The following ZNF717 variants were observed in gnomAD, a reference collection of about 807,000 sequenced individuals.
The protein encoded by ZNF717 is krueppel-like factor X17.
Under a neutral mutation model 13.8 loss-of-function variants are expected in ZNF717, and 9 were observed. The observed-to-expected ratio is 0.65, with a 90% CI of 0.39 to 1.14. ZNF717 has a LOEUF of 1.14. Ranked by LOEUF, ZNF717 falls within the 50% of genes most tolerant of loss-of-function variation. The pLI, the probability that ZNF717 is intolerant of heterozygous loss-of-function variation, is 0.01. For synonymous variants in ZNF717, 327 were observed against 364.1 expected (o/e 0.90, Z 1.16); for missense variants, 1,040 against 1,080.7 (o/e 0.96, Z 0.53).
intron 2 of ZNF717, among the ~76,000 whole-genome samples, chr3:75,782,470 G>A (rs2107757936): frequency 6.6e-6 from 1 of 152,356 alleles, no homozygotes; most frequent in Non-Finnish European, 1.5e-5. Context: ...TGGAAGCTGT[G>A]CTTTGGCAGC....
intron 2 of ZNF717, among the ~76,000 whole-genome samples, chr3:75,748,626 A>G (rs3009088): frequency 0.83 from 126,964 of 152,122 alleles, 52,976 homozygotes; most frequent in East Asian, 0.89. Flanking sequence ...AAAGGCCTTC[A>G]ACAAAATTCA....
At position 75,755,795 on chromosome 3, in the gene ZNF717, G is replaced by C. The variant is rs117450785; in HGVS notation, c.58-14059C>G. Among the ~76,000 whole-genome samples the C allele has an allele frequency of 2.7e-3, 415 of 152,344 alleles. 8 individuals are homozygous for C. The East Asian group carries it at 0.07, about 26-fold the overall frequency. On this transcript the variant is annotated intron_variant, in intron 2 of 4. Transcript: ENST00000652011. ...TAAAATCATCAATGAAAACTGCAAA[G>C]GGCAGAAAAAGAGTGGTAGACAAGA... is the stretch of plus-strand genomic sequence containing the variant.
downstream of ZNF717, among the ~76,000 whole-genome samples, chr3:75,729,638 G>GCTT (rs1938401961): frequency 7.9e-6 from 1 of 126,016 alleles, no homozygotes; most frequent in Non-Finnish European, 1.7e-5. Flanking sequence ...AAAAAAAAAA[G>GCTT]GATAAGCTAT....
intron 6 of ZNF717, among the ~76,000 whole-genome samples, chr3:75,699,699 T>C (rs1937647506): frequency 6.6e-6 from 1 of 152,306 alleles, no homozygotes; most frequent in Admixed American, 6.5e-5. Context: ...AAACCTATTT[T>C]CTTTATAAAT....
At chr3:75,745,023 G>T (rs1327856439) in intron 2 of ZNF717, among the ~76,000 whole-genome samples, 1 of 152,050 alleles carries the variant, frequency 6.6e-6, no homozygotes, top group Non-Finnish European at 1.5e-5. Context: ...CGGGGTCTGT[G>T]TGTTTGTCCC....
chr3:75,770,822 G>C (rs1033622164), intron 2 of ZNF717, among the ~76,000 whole-genome samples: 2 of 152,148 alleles, frequency 1.3e-5, no homozygotes, highest in Non-Finnish European at 2.9e-5. Flanking sequence ...AGACTAAAGA[G>C]GTCTAAGCTG....
At chr3:75,704,326 C>A (rs1185234743) in intron 6 of ZNF717, among the ~76,000 whole-genome samples, 1 of 152,304 alleles carries the variant, frequency 6.6e-6, no homozygotes, top group East Asian at 1.9e-4. Context: ...TCAGGACCCT[C>A]TTTTCCAGCA....
chr3:75,773,126 T>G (rs138448855), intron 2 of ZNF717, among the ~76,000 whole-genome samples: 2,029 of 152,270 alleles, frequency 0.013, 18 homozygotes, highest in South Asian at 0.07. Flanking sequence ...GTTGTAAAAT[T>G]TGGCTTTTGA....
chr3:75,776,125 G>A (rs1448832546), intron 2 of ZNF717, among the ~76,000 whole-genome samples: 1 of 152,258 alleles, frequency 6.6e-6, no homozygotes, highest in Non-Finnish European at 1.5e-5. Context: ...TGTTAATTAA[G>A]CACGGACTTA....
chr3:75,725,648 C>G (rs1178543128), downstream of ZNF717, among the ~76,000 whole-genome samples: 1 of 152,178 alleles, frequency 6.6e-6, no homozygotes, highest in Non-Finnish European at 1.5e-5. Context: ...GGAGACCTCA[C>G]AATCATGGCA....
At chr3:75,701,497 C>T (rs1232870558) in intron 6 of ZNF717, among the ~76,000 whole-genome samples, 3 of 152,416 alleles carry the variant, frequency 2.0e-5, no homozygotes, top group East Asian at 1.9e-4. Flanking sequence ...GGTGAAACCC[C>T]GTCTCTACTA....
At chr3:75,733,689 G>A (rs1938798692), downstream of ZNF717, among the ~76,000 whole-genome samples, 1 of 143,208 alleles carries the variant, frequency 7.0e-6, no homozygotes, top group Non-Finnish European at 1.5e-5. Context: ...TGAGGCAGGA[G>A]AATGGTATGA....
At chr3:75,760,082 G>A (rs1284207491) in intron 2 of ZNF717, among the ~76,000 whole-genome samples, 4 of 152,168 alleles carry the variant, frequency 2.6e-5, no homozygotes, top group Non-Finnish European at 5.9e-5. Context: ...AGGCTGGAGT[G>A]CAGTGGTGCA....
At chr3:75,761,682 A>G (rs1193868437) in intron 2 of ZNF717, among the ~76,000 whole-genome samples, 1 of 152,294 alleles carries the variant, frequency 6.6e-6, no homozygotes, top group Non-Finnish European at 1.5e-5. Flanking sequence ...TTCAGGATAC[A>G]GTAACACACA....
intron 2 of ZNF717, among the ~76,000 whole-genome samples, chr3:75,779,760 A>G (rs1260961627): frequency 7.0e-6 from 1 of 143,882 alleles, no homozygotes; most frequent in African/African-American, 2.6e-5. Flanking sequence ...GCTAAACCAG[A>G]AACCCAAAAC....
chr3:75,742,321 C>CA (rs369657631), intron 2 of ZNF717, among the ~76,000 whole-genome samples: 126 of 56,478 alleles, frequency 2.2e-3, no homozygotes, highest in South Asian at 0.015. Context: ...GCCTACCTCT[C>CA]AAAAAAAAAA....
At chr3:75,704,767 G>C (rs1230804634), downstream of ZNF717, among the ~76,000 whole-genome samples, 2 of 152,282 alleles carry the variant, frequency 1.3e-5, no homozygotes, top group Non-Finnish European at 2.9e-5. Context: ...CCAGGAAAGA[G>C]GCCCCAAACA....
At chr3:75,701,213 T>G (rs1476111172) in intron 6 of ZNF717, among the ~76,000 whole-genome samples, 2 of 152,292 alleles carry the variant, frequency 1.3e-5, no homozygotes, top group African/African-American at 4.8e-5. Context: ...TCTCATGAGA[T>G]CTGATGGTTT....
intron 2 of ZNF717, among the ~76,000 whole-genome samples, chr3:75,764,059 T>C (rs1027231641): frequency 5.9e-5 from 9 of 152,138 alleles, no homozygotes; most frequent in African/African-American, 2.2e-4. Flanking sequence ...GCCCCTGTCA[T>C]TACAGAGAGA....
Sources: gnomAD v4.1 joint callset for allele counts (sites outside exome capture counted in the v4.1 genomes callset) on GRCh38, gnomAD v4.1.1 for gene constraint, MANE v1.5 for transcripts, NCBI Gene and HGNC (gene_info 2026-07-23, HGNC 2026-07-21) for gene names.